Variants in ZER1 observed in about 807,000 individuals in gnomAD.
ZER1 encodes protein zer-1 homolog.
ZER1 carries 11 observed loss-of-function variants against 78.8 expected under a neutral mutation model. The observed-to-expected ratio is 0.14, with a 90% CI of 0.09 to 0.23. ZER1 has a LOEUF of 0.23. ZER1 is among the 10% of genes least tolerant of loss of function. ZER1 has a pLI of 1.00. For synonymous variants in ZER1, 400 were observed against 407.0 expected (o/e 0.98, Z 0.21); for missense variants, 588 against 996.9 (o/e 0.59, Z 5.52).
At chr9:128,747,059 C>T (rs554263319) in intron 8 of ZER1, among the ~76,000 whole-genome samples, 66 of 151,896 alleles carry the variant, frequency 4.3e-4, no homozygotes, top group Non-Finnish European at 9.1e-4. Flanking sequence ...ATTAGCCAGG[C>T]GTGGTGGCAT....
intron 1 of ZER1, among the ~76,000 whole-genome samples, chr9:128,765,210 T>G (rs1812619860): frequency 1.8e-5 from 2 of 113,652 alleles, no homozygotes; most frequent in South Asian, 6.1e-4. Flanking sequence ...TCCATGCACA[T>G]GTACACACAC....
At chr9:128,769,017 C>T (rs1864301615) in intron 1 of ZER1, among the ~76,000 whole-genome samples, 1 of 152,012 alleles carries the variant, frequency 6.6e-6, no homozygotes, top group Non-Finnish European at 1.5e-5. Flanking sequence ...TGGCCTCAAG[C>T]GATCCTCCCA....
At chr9:128,742,415 C>A in intron 9 of ZER1, 115 bp downstream of exon 9, 1 of 1,220,004 alleles carries the variant, frequency 8.2e-7, no homozygotes, top group Non-Finnish European at 1.2e-6. Flanking sequence ...CTTCAGCACA[C>A]TCTCCCTCTC....
chr9:128,765,682 G>T (rs943770845), intron 1 of ZER1, among the ~76,000 whole-genome samples: 1 of 152,126 alleles, frequency 6.6e-6, no homozygotes, highest in Non-Finnish European at 1.5e-5. Context: ...GAGCTGGGGG[G>T]AAAACCCAAA....
Position 128,753,043 on chromosome 9 carries a change from C to T in ZER1, c.746+121G>A, listed in dbSNP as rs1363252683. The T allele has an allele frequency of 1.6e-5, 19 of 1,224,868 alleles. No individual in the cohort carries two copies. Among genetic ancestry groups the T allele is most frequent in the Non-Finnish European group, 1.8e-5 (16 of 901,808 alleles). 75.9% of individuals were successfully genotyped at this position (1,224,868 alleles called of 1,614,324 possible). A position where few individuals can be genotyped will look rare whatever the true frequency, so the allele number is the denominator to read the frequency against. ...GGTTTAAGGAATGGGACTGTGTCTT[C>T]ATCCCCACCCTCTGCCTAGCCAAGC... On this transcript the variant is annotated intron_variant, in intron 4 of 15. Transcript: ENST00000291900. This position sits in a 1 kb window ranked among gnomAD's most constrained non-coding sequence, Gnocchi z 7.5.
At position 128,754,037 on chromosome 9, in the gene ZER1, C is replaced by G. The variant is rs899045255; in HGVS notation, c.159-78G>C. ...CGCTTCAAAGCCAAGCCCTCCTCCCCCTGAAGCTTTCTTGGATCACCCCAA... is the reference window on the plus strand; with the variant it reads ...CGCTTCAAAGCCAAGCCCTCCTCCCGCTGAAGCTTTCTTGGATCACCCCAA... On this transcript the variant is annotated intron_variant, in intron 2 of 15. Transcript: ENST00000291900. The surrounding 1 kb of genome is among the most constrained non-coding windows in gnomAD (Gnocchi z 4.3). The G allele has an allele frequency of 6.8e-5, 102 of 1,509,918 alleles. 1 individual carries two copies. The highest frequency in any genetic ancestry group is 1.7e-4 in the Middle Eastern group (1 of 5,800). The allele number at this position is 1,509,918 out of a possible 1,614,324, so 93.5% of individuals were successfully genotyped here.
intron 9 of ZER1, 59 bp from the exon 10 acceptor site, chr9:128,741,900 G>A (rs866113910): frequency 1.5e-5 from 24 of 1,609,660 alleles, no homozygotes; most frequent in Middle Eastern, 3.3e-4. Context: ...CCACCCCCAC[G>A]AACCCAAGAT....
chr9:128,748,627 G>A (rs1448241753), intron 8 of ZER1, among the ~76,000 whole-genome samples: 2 of 151,616 alleles, frequency 1.3e-5, no homozygotes, highest in African/African-American at 4.8e-5. Context: ...GCTGGAGTTC[G>A]GTGGCTTGAT....
At position 128,741,785 on chromosome 9, in the gene ZER1, G is replaced by A; in HGVS notation, c.1617+15C>T. The A allele has an allele frequency of 1.2e-6, 2 of 1,614,184 alleles. No homozygotes were observed. Among genetic ancestry groups the A allele is most frequent in the Non-Finnish European group, 1.7e-6 (2 of 1,180,030 alleles). ...TGGGGAAAGGGTAGCGTGGCTTCGT[G>A]AAGACTTGACTTACTGTCTTGTCCA... On this transcript the variant is annotated intron_variant, in intron 10 of 15. Transcript: ENST00000291900.
Position 128,730,379 on chromosome 9 carries a change from G to C in ZER1, c.*958C>G, listed in dbSNP as rs1489513610. ...GCTGTCATGGGACCTCTGCCTCTGA[G>C]AGGCGTGGGGTCCTCTGGGCAGCGG... On this transcript the variant is annotated 3_prime_UTR_variant, in exon 16 of 16. Coordinates refer to ENST00000291900, the MANE Select transcript of ZER1 (RefSeq NM_006336.4). The C allele has an allele frequency of 6.5e-6, 1 of 154,026 alleles. No individual in the cohort carries two copies. The allele number at this position is 154,026 out of a possible 1,614,324, so 9.5% of individuals were successfully genotyped here.
intron 8 of ZER1, among the ~76,000 whole-genome samples, chr9:128,750,126 C>T (rs574147563): frequency 6.6e-6 from 1 of 152,322 alleles, no homozygotes; most frequent in East Asian, 1.9e-4. Context: ...CCACCATATA[C>T]AAACAGTATG....
intron 9 of ZER1, 68 bp from the exon 10 acceptor site, chr9:128,741,909 A>C: frequency 6.2e-7 from 1 of 1,602,714 alleles, no homozygotes; most frequent in Non-Finnish European, 8.5e-7. Flanking sequence ...CGAACCCAAG[A>C]TGGAGGGGAG....
chr9:128,739,272 G>A (rs111900902), intron 13 of ZER1, among the ~76,000 whole-genome samples: 2,043 of 151,894 alleles, frequency 0.013, 50 homozygotes, highest in African/African-American at 0.046. Flanking sequence ...GGAGGCCGAC[G>A]TGGGCGGATC....
Position 128,750,777 on chromosome 9 carries a change from C to A in ZER1, c.1198G>T (p.Ala400Ser), listed in dbSNP as rs1465125881. 6.2e-7 allele frequency: 1 copy of A among 1,614,072 alleles called. No homozygotes were observed. The highest frequency in any genetic ancestry group is 8.5e-7 in the Non-Finnish European group (1 of 1,180,050). The change falls in exon 8 of 16, where the codon GCC (alanine) becomes TCC (serine). Residue 400 changes from alanine (A) to serine (S), a missense_variant. By Grantham distance (99) the Ala-to-Ser change is moderately conservative. Transcript: ENST00000291900. The part of the protein sequence containing the change: ...LLRALKLVIT[A>S]LKCHKYDRNI... ...CTGTCATATTTGTGGCACTTGAGGG[C>A]CGTGATGACCAGCTGTATGAAGACA...
intron 1 of ZER1, among the ~76,000 whole-genome samples, chr9:128,768,725 A>C (rs1273912450): frequency 6.6e-6 from 1 of 152,116 alleles, no homozygotes; most frequent in Non-Finnish European, 1.5e-5. Flanking sequence ...GAGGGAGATC[A>C]ACTGTGGTTC....
chr9:128,770,180 T>C (rs1163305361), intron 1 of ZER1, among the ~76,000 whole-genome samples: 2 of 152,054 alleles, frequency 1.3e-5, no homozygotes, highest in African/African-American at 4.8e-5. Context: ...TGGAATGCAA[T>C]GGGCACAATC....
intron 8 of ZER1, among the ~76,000 whole-genome samples, chr9:128,750,411 C>G (rs1462637264): frequency 6.6e-6 from 1 of 152,186 alleles, no homozygotes; most frequent in South Asian, 2.1e-4. Flanking sequence ...CCCCCACCCC[C>G]ACATGGGGCA....
chr9:128,761,320 T>C (rs948075728), intron 1 of ZER1, among the ~76,000 whole-genome samples: 1 of 151,908 alleles, frequency 6.6e-6, no homozygotes, highest in Non-Finnish European at 1.5e-5. Context: ...AGAGTCTTGC[T>C]CTGTCACCCA....
At chr9:128,763,922 G>T (rs914868819) in intron 1 of ZER1, among the ~76,000 whole-genome samples, 4 of 152,046 alleles carry the variant, frequency 2.6e-5, no homozygotes, top group African/African-American at 9.7e-5. Flanking sequence ...GGGAGGCGGA[G>T]GTTGCAGTGA....
Sources: gnomAD v4.1 joint callset for allele counts (sites outside exome capture counted in the v4.1 genomes callset) on GRCh38, gnomAD v4.1.1 for gene constraint, Gnocchi (gnomAD v3.1) non-coding constraint, MANE v1.5 for transcripts, NCBI Gene and HGNC (gene_info 2026-07-23, HGNC 2026-07-21) for gene names.